Variants in BTBD9 observed in about 807,000 individuals in gnomAD.
BTBD9 encodes the protein BTB/POZ domain-containing protein 9.
Under a neutral mutation model 64.3 loss-of-function variants are expected in BTBD9, and 49 were observed. The observed-to-expected ratio is 0.76, with a 90% CI of 0.61 to 0.97. The LOEUF (loss-of-function observed/expected upper bound fraction) is 0.97. Among genes scored for constraint, BTBD9 ranks in the 50% least tolerant of loss-of-function variants. The probability of loss-of-function intolerance (pLI) is 0.00; values close to 1 mark genes in which losing one functional copy is unlikely to be tolerated. For missense variants in BTBD9, 598 were observed against 762.1 expected (o/e 0.78, Z 2.53); for synonymous variants, 260 against 274.7 (o/e 0.95, Z 0.53).
At chr6:38,583,822 G>A (rs1463203933) in intron 4 of BTBD9, among the ~76,000 whole-genome samples, 3 of 152,148 alleles carry the variant, frequency 2.0e-5, no homozygotes, top group African/African-American at 7.2e-5. Context: ...ATCTACACAA[G>A]TGGAAATTCT....
At chr6:38,369,526 A>G (rs1185863312) in intron 6 of BTBD9, among the ~76,000 whole-genome samples, 1 of 152,210 alleles carries the variant, frequency 6.6e-6, no homozygotes, top group Non-Finnish European at 1.5e-5. Flanking sequence ...TCCTCTGCCT[A>G]AAACAACTTC....
chr6:38,505,482 G>T (rs1450870617), intron 6 of BTBD9, among the ~76,000 whole-genome samples: 5 of 151,998 alleles, frequency 3.3e-5, no homozygotes, highest in African/African-American at 1.2e-4. Context: ...AAATTAGCCA[G>T]GCGTGGTGGC....
At chr6:38,545,543 G>A (rs1774493725) in intron 6 of BTBD9, among the ~76,000 whole-genome samples, 2 of 152,002 alleles carry the variant, frequency 1.3e-5, no homozygotes, top group African/African-American at 2.4e-5. Context: ...ACTTTGGGAG[G>A]CGGAGGTGGG....
intron 6 of BTBD9, among the ~76,000 whole-genome samples, chr6:38,483,257 C>T (rs1188266156): frequency 6.6e-6 from 1 of 152,036 alleles, no homozygotes; most frequent in Non-Finnish European, 1.5e-5. Flanking sequence ...TTAAAGGACG[C>T]CACTAAGCTC....
intron 6 of BTBD9, among the ~76,000 whole-genome samples, chr6:38,356,873 CCAGAGTTCT>C (rs1764747866): frequency 6.6e-6 from 1 of 152,104 alleles, no homozygotes; most frequent in Admixed American, 6.5e-5. Context: ...GGCCTGACTA[CCAGAGTTCT>C]AGAAGCTAAG....
chr6:38,292,716 T>C (rs1762007300), intron 7 of BTBD9, among the ~76,000 whole-genome samples: 4 of 152,318 alleles, frequency 2.6e-5, no homozygotes, highest in African/African-American at 9.6e-5. Flanking sequence ...TCTTTTCTTC[T>C]TTATTAGTCT....
intron 6 of BTBD9, among the ~76,000 whole-genome samples, chr6:38,425,169 G>C (rs933768608): frequency 6.8e-6 from 1 of 146,734 alleles, no homozygotes; most frequent in Non-Finnish European, 1.5e-5. Flanking sequence ...CTGGAGTGCA[G>C]TGGCGTGATC....
chr6:38,289,036 A>G (rs928044110), intron 7 of BTBD9, among the ~76,000 whole-genome samples: 1 of 152,186 alleles, frequency 6.6e-6, no homozygotes, highest in African/African-American at 2.4e-5. Flanking sequence ...TTAGAGCTAT[A>G]TACATAAAAC....
chr6:38,248,369 C>A (rs1345929291), intron 9 of BTBD9, among the ~76,000 whole-genome samples: 1 of 152,200 alleles, frequency 6.6e-6, no homozygotes, highest in Non-Finnish European at 1.5e-5. Context: ...GTTTTCATTA[C>A]CTAATTCTTT....
chr6:38,516,982 C>G (rs549152969), intron 6 of BTBD9, among the ~76,000 whole-genome samples: 48 of 152,264 alleles, frequency 3.2e-4, no homozygotes, highest in Non-Finnish European at 5.3e-4. Flanking sequence ...TAAGAACTTA[C>G]AGAATTCAAA....
chr6:38,338,139 C>G (rs1404799386), intron 7 of BTBD9, among the ~76,000 whole-genome samples: 3 of 152,126 alleles, frequency 2.0e-5, no homozygotes, highest in South Asian at 2.1e-4. Flanking sequence ...TTCCAAGATG[C>G]CCAGTGGATG....
At chr6:38,418,885 G>A (rs1767788903) in intron 6 of BTBD9, among the ~76,000 whole-genome samples, 2 of 152,172 alleles carry the variant, frequency 1.3e-5, no homozygotes, top group Admixed American at 1.3e-4. Context: ...GGCTAAGGCA[G>A]GAGGATTGCT....
At chr6:38,352,300 C>A (rs1764550289) in intron 6 of BTBD9, among the ~76,000 whole-genome samples, 2 of 151,682 alleles carry the variant, frequency 1.3e-5, no homozygotes, top group African/African-American at 4.8e-5. Context: ...TCAATTAAGC[C>A]CAGGAAGTTG....
intron 8 of BTBD9, among the ~76,000 whole-genome samples, chr6:38,284,391 C>T (rs939831273): frequency 6.6e-6 from 1 of 152,166 alleles, no homozygotes; most frequent in African/African-American, 2.4e-5. Context: ...CAGTGACAGC[C>T]TTTTCTGGAG....
intron 9 of BTBD9, among the ~76,000 whole-genome samples, chr6:38,203,363 C>T (rs1241113720): frequency 6.6e-6 from 1 of 151,846 alleles, no homozygotes; most frequent in Non-Finnish European, 1.5e-5. Context: ...TGGAAACATG[C>T]AATCTACCAA....
chr6:38,509,377 TG>T (rs1772680521), intron 6 of BTBD9, among the ~76,000 whole-genome samples: 1 of 152,234 alleles, frequency 6.6e-6, no homozygotes, highest in African/African-American at 2.4e-5. Context: ...AAGTAAAGAA[TG>T]GCAGCTAAGA....
chr6:38,453,633 C>T (rs1317082052), intron 6 of BTBD9, among the ~76,000 whole-genome samples: 2 of 152,050 alleles, frequency 1.3e-5, no homozygotes, highest in African/African-American at 2.4e-5. Flanking sequence ...GCAACACCCC[C>T]CTGAGGACAG....
chr6:38,257,517 T>C (rs1458173148), intron 8 of BTBD9, among the ~76,000 whole-genome samples: 1 of 152,166 alleles, frequency 6.6e-6, no homozygotes, highest in East Asian at 1.9e-4. Context: ...TCTTATAGTA[T>C]TCTCTAATTG....
At chr6:38,414,774 T>A (rs181715658) in intron 6 of BTBD9, among the ~76,000 whole-genome samples, 1 of 152,208 alleles carries the variant, frequency 6.6e-6, no homozygotes, top group Non-Finnish European at 1.5e-5. Context: ...TTCTCCTTTA[T>A]GCATGGCCCT....
Sources: gnomAD v4.1 joint callset for allele counts (sites outside exome capture counted in the v4.1 genomes callset) on GRCh38, gnomAD v4.1.1 for gene constraint, MANE v1.5 for transcripts, NCBI Gene and HGNC (gene_info 2026-07-23, HGNC 2026-07-21) for gene names.